Variants in ANKRD30BL observed in about 807,000 individuals in gnomAD.
ANKRD30BL encodes the protein putative ankyrin repeat domain-containing protein 30B-like.
In ANKRD30BL, 20 loss-of-function variants were observed where a neutral mutation model predicts 18.4. The observed-to-expected ratio is 1.09, with a 90% CI of 0.77 to 1.58. ANKRD30BL has a LOEUF of 1.58. Among genes scored for constraint, ANKRD30BL ranks in the 40% most tolerant of loss-of-function variants. The probability of loss-of-function intolerance (pLI) is 0.00; values close to 1 mark genes in which losing one functional copy is unlikely to be tolerated. For missense variants in ANKRD30BL, 224 were observed against 268.6 expected (o/e 0.83, Z 1.16); for synonymous variants, 72 against 100.9 (o/e 0.71, Z 1.72).
At chr2:132,217,420 G>A (rs377012963) in intron 1 of ANKRD30BL, among the ~76,000 whole-genome samples, 2 of 151,780 alleles carry the variant, frequency 1.3e-5, no homozygotes, top group Non-Finnish European at 2.9e-5. Context: ...ACCTATGGTT[G>A]AAAAGGAAAT....
chr2:132,240,039 TCA>T (rs1164571667), intron 1 of ANKRD30BL, among the ~76,000 whole-genome samples: 3 of 151,906 alleles, frequency 2.0e-5, no homozygotes, highest in African/African-American at 7.2e-5. Flanking sequence ...TGCATTCAAC[TCA>T]CAGAGTTGAA....
intron 1 of ANKRD30BL, among the ~76,000 whole-genome samples, chr2:132,171,992 T>C (rs1389733112): frequency 1.3e-5 from 2 of 152,238 alleles, no homozygotes. Flanking sequence ...TCACTAAGCA[T>C]AGTGTTTTCA....
At chr2:132,176,009 A>G (rs1235692666) in intron 1 of ANKRD30BL, among the ~76,000 whole-genome samples, 1 of 152,252 alleles carries the variant, frequency 6.6e-6, no homozygotes. Flanking sequence ...ACATAGACAC[A>G]GTAACAGTCT....
chr2:132,204,003 A>T (rs1203419674), intron 1 of ANKRD30BL, among the ~76,000 whole-genome samples: 1 of 152,206 alleles, frequency 6.6e-6, no homozygotes, highest in Non-Finnish European at 1.5e-5. Context: ...ATTGTTTTCA[A>T]ATGAGAGTTA....
chr2:132,185,092 G>C (rs143309943), intron 1 of ANKRD30BL, among the ~76,000 whole-genome samples: 1 of 152,166 alleles, frequency 6.6e-6, no homozygotes, highest in Non-Finnish European at 1.5e-5. Flanking sequence ...GATTACAGGC[G>C]TGAGCCACTG....
Position 132,224,203 on chromosome 2 carries a change from T to C in ANKRD30BL, n.441+33326A>G, listed in dbSNP as rs569547813. Among the ~76,000 whole-genome samples, 243 of 152,158 alleles carry C rather than the reference T, an allele frequency of 1.6e-3. 1 individual carries two copies. The highest frequency in any genetic ancestry group is 5.5e-3 in the African/African-American group (229 of 41,522). On this transcript the variant is annotated intron_variant and non_coding_transcript_variant, in intron 1 of 4. Coordinates refer to the ANKRD30BL transcript ENST00000470729. ...GATGTGTGCATTCAACTCACAGAGA[T>C]GAACCTTTCTTTTGATAGAGCAGGA...
rs1031551867 is a variant in ANKRD30BL at position 132,161,829 on chromosome 2, C to G, written c.-124G>C. ...CCCTGACAAGACTAGAAATCTCAGTCGGGCCAAGCTTTTGGACACTCCAAC... is the reference window on the plus strand; with the variant it reads ...CCCTGACAAGACTAGAAATCTCAGTGGGGCCAAGCTTTTGGACACTCCAAC... On this transcript the variant is annotated 5_prime_UTR_variant, in exon 1 of 6. Transcript: ENST00000409867. 5.2e-5 allele frequency: 33 copies of G among 628,920 alleles called. No individual in the cohort carries two copies. Among genetic ancestry groups the G allele is most frequent in the Non-Finnish European group, 8.6e-5 (30 of 349,948 alleles). The allele number at this position is 628,920 out of a possible 1,614,324, so 39.0% of individuals were successfully genotyped here. A position where few individuals can be genotyped will look rare whatever the true frequency, so the allele number is the denominator to read the frequency against.
At chr2:132,223,685 C>T (rs537255800) in intron 1 of ANKRD30BL, among the ~76,000 whole-genome samples, 1 of 151,800 alleles carries the variant, frequency 6.6e-6, no homozygotes, top group South Asian at 2.1e-4. Context: ...ATTCAACTCA[C>T]AGACTTGAAG....
intron 5 of ANKRD30BL, 124 bp from the exon 6 acceptor site, chr2:132,148,352 C>CTTTTTTTTTTTTCTTTTTTTT (rs1687665516): frequency 6.6e-6 from 1 of 151,090 alleles, no homozygotes; most frequent in Non-Finnish European, 1.2e-5. Flanking sequence ...TTGTTTTCTC[C>CTTTTTTTTTTTTCTTTTTTTT]TTTTTTTTTT....
At chr2:132,229,119 A>G (rs994703517) in intron 1 of ANKRD30BL, among the ~76,000 whole-genome samples, 1 of 152,082 alleles carries the variant, frequency 6.6e-6, no homozygotes, top group Non-Finnish European at 1.5e-5. Context: ...TCTTCATGTA[A>G]AAAGTACATA....
intron 1 of ANKRD30BL, among the ~76,000 whole-genome samples, chr2:132,228,401 T>C (rs1679905676): frequency 6.6e-6 from 1 of 151,992 alleles, no homozygotes; most frequent in Non-Finnish European, 1.5e-5. Context: ...TGGAGCGCTT[T>C]GCAACCTATG....
At position 132,199,505 on chromosome 2, in the gene ANKRD30BL, C is replaced by CT. The variant is rs772947698; in HGVS notation, n.442-42360dup. Among the ~76,000 whole-genome samples the CT allele has an allele frequency of 1.8e-3, 262 of 148,584 alleles. 1 individual carries two copies. Among genetic ancestry groups the CT allele is most frequent in the African/African-American group, 5.5e-3 (224 of 40,632 alleles). ...GTAATTTCTTTCTTTCTTTTCTTTT[C>CT]TTTTTTTTTTATTTTTTGTTTGAGA... On this transcript the variant is annotated intron_variant and non_coding_transcript_variant, in intron 1 of 4. Transcript: ENST00000470729.
At chr2:132,167,859 C>A (rs75302778) in intron 1 of ANKRD30BL, among the ~76,000 whole-genome samples, 1 of 152,114 alleles carries the variant, frequency 6.6e-6, no homozygotes, top group East Asian at 1.9e-4. Context: ...AAAATACTAC[C>A]AGATTGTACC....
At chr2:132,196,550 G>A (rs1678973240) in intron 1 of ANKRD30BL, among the ~76,000 whole-genome samples, 1 of 152,196 alleles carries the variant, frequency 6.6e-6, no homozygotes, top group African/African-American at 2.4e-5. Flanking sequence ...CACTTTGGTA[G>A]GCTGAGGTGG....
At chr2:132,200,584 C>A (rs1485096943) in intron 1 of ANKRD30BL, among the ~76,000 whole-genome samples, 2 of 152,164 alleles carry the variant, frequency 1.3e-5, no homozygotes, top group African/African-American at 2.4e-5. Flanking sequence ...ATCGGACTTA[C>A]AAGGGATGTG....
At chr2:132,219,600 A>G (rs1355865319) in intron 1 of ANKRD30BL, among the ~76,000 whole-genome samples, 1 of 152,098 alleles carries the variant, frequency 6.6e-6, no homozygotes, top group Non-Finnish European at 1.5e-5. Flanking sequence ...ATTTTGTAGA[A>G]TCTTCAAGTG....
chr2:132,221,254 C>T (rs945673449), intron 1 of ANKRD30BL, among the ~76,000 whole-genome samples: 115 of 140,486 alleles, frequency 8.2e-4, no homozygotes, highest in Middle Eastern at 4.2e-3. Context: ...CTCCTCTGCC[C>T]GGCCGCCCCT....
chr2:132,243,296 C>T (rs1455315444), intron 1 of ANKRD30BL, among the ~76,000 whole-genome samples: 3 of 151,448 alleles, frequency 2.0e-5, no homozygotes, highest in African/African-American at 4.8e-5. Flanking sequence ...AGAGTTAAAC[C>T]TTTCCTTTGA....
At chr2:132,226,257 T>C (rs889961294) in intron 1 of ANKRD30BL, among the ~76,000 whole-genome samples, 2 of 151,626 alleles carry the variant, frequency 1.3e-5, no homozygotes, top group Non-Finnish European at 2.9e-5. Flanking sequence ...AGTTGAACCT[T>C]TCTTTTGATA....
Sources: allele counts gnomAD v4.1 joint callset (sites outside exome capture counted in the v4.1 genomes callset), GRCh38; gene constraint gnomAD v4.1.1; transcripts MANE v1.5; gene names NCBI Gene and HGNC (gene_info 2026-07-23, HGNC 2026-07-21).